Variants in ADAMTSL3 observed in about 807,000 individuals in gnomAD.
The protein encoded by ADAMTSL3 is ADAMTS like 3, also known as ADAMTS-like protein 3.
A neutral mutation model predicts 201.7 loss-of-function variants in ADAMTSL3; 128 were observed. The ratio of observed to expected loss-of-function variants is 0.63; its 90% CI spans 0.55 to 0.73. The LOEUF is 0.73. Among genes scored for constraint, ADAMTSL3 ranks in the 30% least tolerant of loss-of-function variants. The probability of loss-of-function intolerance (pLI) is 0.00; values close to 1 mark genes in which losing one functional copy is unlikely to be tolerated. For missense variants in ADAMTSL3, 1,990 were observed against 2,119.6 expected (o/e 0.94, Z 1.20); for synonymous variants, 738 against 748.4 (o/e 0.99, Z 0.23).
chr15:83,691,436 G>A (rs1054317138), intron 2 of ADAMTSL3, among the ~76,000 whole-genome samples: 9 of 152,144 alleles, frequency 5.9e-5, no homozygotes, highest in Non-Finnish European at 1.0e-4. Context: ...GGTGGGTTGG[G>A]CGCTTGGGCT....
chr15:83,990,399 C>G (rs1266391604), intron 22 of ADAMTSL3, among the ~76,000 whole-genome samples: 6 of 152,202 alleles, frequency 3.9e-5, no homozygotes, highest in Non-Finnish European at 7.3e-5. Context: ...GTGTACATCT[C>G]CTTCTGCACC....
At chr15:83,913,678 G>A (rs2065976864) in intron 16 of ADAMTSL3, among the ~76,000 whole-genome samples, 1 of 152,116 alleles carries the variant, frequency 6.6e-6, no homozygotes, top group Admixed American at 6.5e-5. Flanking sequence ...GATAAGTTAA[G>A]GCAATCTTGT....
chr15:83,916,387 T>A (rs2066033165), intron 16 of ADAMTSL3, among the ~76,000 whole-genome samples: 1 of 152,196 alleles, frequency 6.6e-6, no homozygotes. Context: ...TTGAGGAAGC[T>A]GAGACTCAGA....
intron 5 of ADAMTSL3, among the ~76,000 whole-genome samples, chr15:83,816,602 T>G (rs2063775805): frequency 6.6e-6 from 1 of 151,882 alleles, no homozygotes; most frequent in Non-Finnish European, 1.5e-5. Flanking sequence ...TTTCAAAGAG[T>G]GAGATATAGA....
At chr15:83,883,640 C>T (rs1181284499) in intron 9 of ADAMTSL3, among the ~76,000 whole-genome samples, 4 of 151,530 alleles carry the variant, frequency 2.6e-5, no homozygotes, top group Non-Finnish European at 5.9e-5. Context: ...ACTGTAGCCT[C>T]AAACTCCTGG....
At chr15:83,863,128 T>G (rs889735242) in intron 8 of ADAMTSL3, among the ~76,000 whole-genome samples, 1 of 152,154 alleles carries the variant, frequency 6.6e-6, no homozygotes, top group Non-Finnish European at 1.5e-5. Context: ...AGCAAGTCCT[T>G]AGAGACCTAC....
chr15:83,728,642 G>T (rs1312299164), intron 3 of ADAMTSL3, among the ~76,000 whole-genome samples: 14 of 151,808 alleles, frequency 9.2e-5, no homozygotes, highest in Admixed American at 8.5e-4. Context: ...CATAAATTCT[G>T]CACTTAAACT....
Position 84,037,004 on chromosome 15 carries a change from G to A in ADAMTSL3, c.4969+17G>A. ...CCTGTGATAGTACGTACACCTCCCA[G>A]GTATCTCCACTGCCCCAGAGGCCTT... On this transcript the variant is annotated intron_variant, in intron 29 of 29. Transcript: ENST00000286744. The A allele has an allele frequency of 1.2e-6, 2 of 1,612,352 alleles. No homozygotes were observed. Among genetic ancestry groups the A allele is most frequent in the Non-Finnish European group, 1.7e-6 (2 of 1,178,950 alleles).
chr15:83,788,768 G>C (rs2063301016), intron 4 of ADAMTSL3, among the ~76,000 whole-genome samples: 1 of 151,850 alleles, frequency 6.6e-6, no homozygotes, highest in South Asian at 2.1e-4. Context: ...ATATTTCCTT[G>C]ATGATTTCTT....
At chr15:83,848,574 A>G (rs748863877) in intron 7 of ADAMTSL3, among the ~76,000 whole-genome samples, 4 of 152,176 alleles carry the variant, frequency 2.6e-5, no homozygotes, top group South Asian at 2.1e-4. Flanking sequence ...CATAAAATGA[A>G]ACTCTGTGTG....
chr15:83,820,000 C>G lies in ADAMTSL3; in HGVS notation c.553C>G (p.Arg185Gly), dbSNP rs1024987522. ...ELAPKVLDGT[R>G]CNTDSLDMCI... ...GGCACCTAAGGTACTGGATGGAACT[C>G]GTTGCAACACGGACTCCTTGGACAT... The change falls in exon 6 of 30, where the codon CGT (arginine) becomes GGT (glycine). Residue 185 changes from arginine to glycine, a missense_variant. Arg to Gly is a moderately radical substitution (Grantham distance 125). Coordinates refer to ENST00000286744, the MANE Select transcript of ADAMTSL3 (RefSeq NM_207517.3). 2.5e-6 allele frequency: 4 copies of G among 1,614,154 alleles called. No individual in the cohort carries two copies. The highest frequency in any genetic ancestry group is 3.4e-6 in the Non-Finnish European group (4 of 1,180,030).
intron 3 of ADAMTSL3, among the ~76,000 whole-genome samples, chr15:83,767,015 A>G (rs2062903041): frequency 6.6e-6 from 1 of 152,094 alleles, no homozygotes; most frequent in Admixed American, 6.6e-5. Flanking sequence ...AATCGCTTGA[A>G]CCGGGGAGGC....
chr15:83,718,166 G>A (rs543705892), intron 3 of ADAMTSL3, among the ~76,000 whole-genome samples: 2 of 152,204 alleles, frequency 1.3e-5, no homozygotes, highest in South Asian at 2.1e-4. Context: ...ATAACAATGA[G>A]CAAATGGCCA....
chr15:83,908,553 A>G (rs1162180503), intron 15 of ADAMTSL3, among the ~76,000 whole-genome samples: 1 of 152,208 alleles, frequency 6.6e-6, no homozygotes, highest in Non-Finnish European at 1.5e-5. Context: ...TGGACATAAT[A>G]TTCATAGGAC....
At chr15:83,813,835 AG>A (rs954159273) in intron 5 of ADAMTSL3, among the ~76,000 whole-genome samples, 10 of 152,196 alleles carry the variant, frequency 6.6e-5, no homozygotes, top group Non-Finnish European at 1.5e-4. Context: ...TATCCTTATC[AG>A]GGGTATTTTG....
chr15:83,947,793 G>C (rs766617748), intron 19 of ADAMTSL3, among the ~76,000 whole-genome samples: 1 of 152,072 alleles, frequency 6.6e-6, no homozygotes, highest in Non-Finnish European at 1.5e-5. Context: ...TCTGTGTCCT[G>C]AATTCTTTAA....
intron 3 of ADAMTSL3, among the ~76,000 whole-genome samples, chr15:83,740,923 T>C (rs1165031640): frequency 6.6e-6 from 1 of 152,102 alleles, no homozygotes; most frequent in African/African-American, 2.4e-5. Flanking sequence ...AACCAATATA[T>C]GTAGAAAAAA....
At chr15:83,920,293 C>T (rs557798895) in intron 16 of ADAMTSL3, among the ~76,000 whole-genome samples, 3 of 152,196 alleles carry the variant, frequency 2.0e-5, no homozygotes, top group South Asian at 2.1e-4. Flanking sequence ...TGACAGGCCT[C>T]GAGCTGTAGT....
rs145825715 is a variant in ADAMTSL3, at chr15:83,770,818, C to T, written c.190-2705C>T. 7.8e-4 allele frequency among the ~76,000 whole-genome samples: 118 copies of T among 152,192 alleles called. 1 individual carries two copies. In the East Asian group the frequency reaches 0.023, roughly 29 times the overall value. ...GGCATGGTGGCTCATGCCTGTAATC[C>T]GAGGACTTTGGGAGGCTGAGGCGGG... On this transcript the variant is annotated intron_variant, in intron 3 of 29. Transcript: ENST00000286744.
Sources: allele counts gnomAD v4.1 joint callset (sites outside exome capture counted in the v4.1 genomes callset), GRCh38; gene constraint gnomAD v4.1.1; transcripts MANE v1.5; gene names NCBI Gene and HGNC (gene_info 2026-07-23, HGNC 2026-07-21).